ARSL: variants seen among roughly 807,000 people sequenced by gnomAD.
ARSL encodes the protein arylsulfatase E (chondrodysplasia punctata 1).
Under a neutral mutation model 31.1 loss-of-function variants are expected in ARSL, and 4 were observed. The ratio of observed to expected loss-of-function variants is 0.13; its 90% CI spans 0.06 to 0.29. The LOEUF (loss-of-function observed/expected upper bound fraction) is 0.29. Among genes scored for constraint, ARSL ranks in the 10% least tolerant of loss-of-function variants. The pLI is 1.00. For missense variants in ARSL, 312 were observed against 497.8 expected (o/e 0.63, Z 3.55); for synonymous variants, 198 against 209.9 (o/e 0.94, Z 0.49).
chrX:2,964,671 T>C (rs749811148), upstream of ARSL: 5 of 124,897 alleles, frequency 4.0e-5, no homozygotes, highest in Non-Finnish European at 7.6e-5. Flanking sequence ...GTGCTGGCTA[T>C]AATATGATCA....
intron 10 of ARSL, among the ~76,000 whole-genome samples, chrX:2,936,259 C>T (rs758538053): frequency 2.7e-5 from 3 of 109,720 alleles, no homozygotes; most frequent in Middle Eastern, 4.7e-3. Flanking sequence ...CACTTGAACC[C>T]GGGAGACTGC....
At chrX:2,959,342 C>G (rs184316862) in intron 2 of ARSL, among the ~76,000 whole-genome samples, 3 of 111,922 alleles carry the variant, frequency 2.7e-5, no homozygotes, top group Admixed American at 9.5e-5. Flanking sequence ...AGGTTCCAGC[C>G]TGGAGGAGAA....
At chrX:2,967,205 A>G (rs903039686), upstream of ARSL, among the ~76,000 whole-genome samples, 2 of 111,631 alleles carry the variant, frequency 1.8e-5, no homozygotes, top group African/African-American at 6.5e-5. Flanking sequence ...GTCTAAATAT[A>G]GGACCCTCAA....
At chrX:2,965,123 G>A (rs2089687058), upstream of ARSL, among the ~76,000 whole-genome samples, 1 of 111,107 alleles carries the variant, frequency 9.0e-6, no homozygotes, top group African/African-American at 3.3e-5. Context: ...TTGTTGAGTG[G>A]TAAATGAAGT....
intron 7 of ARSL, among the ~76,000 whole-genome samples, chrX:2,944,311 A>C (rs1023014754): frequency 1.8e-5 from 2 of 108,682 alleles, no homozygotes; most frequent in African/African-American, 6.7e-5. Context: ...AAAATTAGCC[A>C]GGCATGGTGG....
intron 6 of ARSL, among the ~76,000 whole-genome samples, chrX:2,947,775 T>C (rs1296340369): frequency 8.9e-6 from 1 of 112,328 alleles, no homozygotes; most frequent in East Asian, 2.8e-4. Flanking sequence ...CTGCTTTAAT[T>C]TGCAAGCTAA....
intron 6 of ARSL, among the ~76,000 whole-genome samples, chrX:2,948,488 A>G (rs1313495245): frequency 1.8e-5 from 2 of 111,241 alleles, no homozygotes; most frequent in African/African-American, 6.5e-5. Context: ...AGTAGTAGCA[A>G]ATTCCAGCTG....
At chrX:2,937,191 C>T (rs770061622) in intron 9 of ARSL, among the ~76,000 whole-genome samples, 120 of 111,068 alleles carry the variant, frequency 1.1e-3, no homozygotes, top group African/African-American at 3.8e-3. Flanking sequence ...GTCAGGAATT[C>T]GGGATCAGCC....
At position 2,949,330 on chromosome X, in the gene ARSL, C is replaced by A. The variant is rs1238450433; in HGVS notation, c.828G>T (p.Leu276=). 1 of 1,209,512 alleles carries A rather than the reference C, an allele frequency of 8.3e-7. No homozygotes were observed. Among genetic ancestry groups the A allele is most frequent in the African/African-American group, 1.8e-5 (1 of 57,009 alleles). ...TTTTGAGAAAGGACGCAACCTCCTG[C>A]AGAATAAGGGGTGTCGTTCTTTGGA... ...MCFQRTTPLI[L]QEVASFLKRN... Residue 276 remains leucine, a synonymous_variant, in exon 6 of 11, where the codon CTG becomes CTT. Coordinates refer to ENST00000381134, the MANE Select transcript of ARSL (RefSeq NM_000047.3).
At chrX:2,960,805 G>C (rs781110434) in intron 1 of ARSL, among the ~76,000 whole-genome samples, 1 of 111,203 alleles carries the variant, frequency 9.0e-6, no homozygotes, top group Non-Finnish European at 1.9e-5. Flanking sequence ...CCCAGGGCAG[G>C]GGTGATTCCT....
At chrX:2,953,114 G>A (rs1569107464) in intron 5 of ARSL, 29 bp downstream of exon 5, 13 of 1,200,821 alleles carry the variant, frequency 1.1e-5, no homozygotes, top group Non-Finnish European at 1.5e-5. Flanking sequence ...TAAAAGTCAT[G>A]TGCTTACCAC....
Position 2,936,806 on chromosome X carries a change from G to T in ARSL, c.1347C>A (p.Asp449Glu), listed in dbSNP as rs755429981. Residue 449 changes from aspartate to glutamate, a missense_variant, in exon 10 of 11, where the codon GAC (aspartate) becomes GAA (glutamate). Asp to Glu is a conservative substitution (Grantham distance 45). Coordinates refer to ENST00000381134, the MANE Select transcript of ARSL (RefSeq NM_000047.3). ...PLLLGTAQHS[D>E]HEFLMHYCER... is the part of the protein sequence containing the mutation. ...CACAATAATGCATCAGGAACTCGTG[G>T]TCTGAGTGTTGGGCTGTCCCCAGGA... The T allele has an allele frequency of 8.3e-6, 10 of 1,209,874 alleles. No homozygotes were observed. The highest frequency in any genetic ancestry group is 1.7e-5 in the African/African-American group (1 of 57,153).
intron 5 of ARSL, among the ~76,000 whole-genome samples, chrX:2,950,653 C>T (rs1984931137): frequency 8.9e-6 from 1 of 111,938 alleles, no homozygotes; most frequent in East Asian, 2.8e-4. Context: ...GCCTTTGCTT[C>T]TCCTTTGCCT....
intron 7 of ARSL, among the ~76,000 whole-genome samples, chrX:2,944,034 C>T (rs2089321739): frequency 9.1e-6 from 1 of 110,437 alleles, no homozygotes; most frequent in African/African-American, 3.3e-5. Flanking sequence ...AAAAAATTAG[C>T]CGGGTGTGGT....
intron 3 of ARSL, among the ~76,000 whole-genome samples, chrX:2,958,021 C>T (rs1040091309): frequency 1.8e-5 from 2 of 109,862 alleles, no homozygotes; most frequent in Admixed American, 2.0e-4. Context: ...GACTTTGTCT[C>T]AGAGAAAAAT....
At chrX:2,941,828 A>G (rs931064059) in intron 8 of ARSL, among the ~76,000 whole-genome samples, 7 of 112,241 alleles carry the variant, frequency 6.2e-5, no homozygotes, top group Admixed American at 1.9e-4. Flanking sequence ...GTCACAGGCC[A>G]TGGTCACTCC....
At chrX:2,965,081 T>C (rs893220205), upstream of ARSL, among the ~76,000 whole-genome samples, 12 of 109,913 alleles carry the variant, frequency 1.1e-4, no homozygotes, top group African/African-American at 4.0e-4. Flanking sequence ...AGCAAGACCC[T>C]GCCTCAAAAA....
intron 3 of ARSL, among the ~76,000 whole-genome samples, chrX:2,956,346 T>C (rs1246534555): frequency 1.8e-5 from 2 of 111,915 alleles, no homozygotes; most frequent in Admixed American, 9.5e-5. Context: ...CAGGGGAGGA[T>C]TGAAATCCCG....
chrX:2,961,862 T>C (rs1417105507), intron 1 of ARSL, among the ~76,000 whole-genome samples: 1 of 109,413 alleles, frequency 9.1e-6, no homozygotes, highest in Non-Finnish European at 1.9e-5. Flanking sequence ...CCCAGGGTTT[T>C]TTTTTTTTTT....
Sources: gnomAD v4.1 joint callset for allele counts (sites outside exome capture counted in the v4.1 genomes callset) on GRCh38, gnomAD v4.1.1 for gene constraint, MANE v1.5 for transcripts, NCBI Gene and HGNC (gene_info 2026-07-23, HGNC 2026-07-21) for gene names.